Variants in FAM184A observed in about 807,000 individuals in gnomAD.
The protein encoded by FAM184A is family with sequence similarity 184 member A.
A neutral mutation model predicts 143.8 loss-of-function variants in FAM184A; 99 were observed. That is an observed-to-expected ratio of 0.69 (90% confidence interval 0.58 to 0.81). FAM184A has a LOEUF of 0.81. FAM184A is among the 40% of genes least tolerant of loss of function. The probability of loss-of-function intolerance (pLI) is 0.00; values close to 1 mark genes in which losing one functional copy is unlikely to be tolerated. For synonymous variants in FAM184A, 427 were observed against 446.4 expected, an observed-to-expected ratio of 0.96 and a Z score of 0.55; for missense variants, 1,217 against 1,310.5, an observed-to-expected ratio of 0.93 and a Z score of 1.10.
chr6:119,032,707 C>T (rs1461640294), intron 1 of FAM184A, among the ~76,000 whole-genome samples: 3 of 152,062 alleles, frequency 2.0e-5, no homozygotes, highest in Non-Finnish European at 4.4e-5. Context: ...GGAAAAGACT[C>T]TCCCTCAGAA....
chr6:119,040,309 G>A (rs1259647450), intron 1 of FAM184A, among the ~76,000 whole-genome samples: 2 of 152,162 alleles, frequency 1.3e-5, no homozygotes, highest in African/African-American at 4.8e-5. Context: ...ATTTGTTGCC[G>A]TGACTTGGAT....
intron 1 of FAM184A, among the ~76,000 whole-genome samples, chr6:119,065,171 A>C (rs1787397172): frequency 6.6e-6 from 1 of 152,198 alleles, no homozygotes; most frequent in Admixed American, 6.5e-5. Flanking sequence ...AAAGATGATG[A>C]CATGTCACCA....
Position 119,058,737 on chromosome 6 carries a change from C to A in FAM184A, c.159+19404G>T, listed in dbSNP as rs542562833. 3.3e-5 allele frequency among the ~76,000 whole-genome samples: 5 copies of A among 152,170 alleles called. No individual in the cohort carries two copies. In the South Asian group the frequency reaches 8.3e-4, roughly 25 times the overall value. ...CTCTGGTCTAGCATCCCAGCTGAGCCCAGCTTTCGAGTTATCCTGGTCTAG... is the reference window on the plus strand; with the variant it reads ...CTCTGGTCTAGCATCCCAGCTGAGCACAGCTTTCGAGTTATCCTGGTCTAG... On this transcript the variant is annotated intron_variant, in intron 1 of 17. Coordinates refer to ENST00000338891, the MANE Select transcript of FAM184A (RefSeq NM_024581.6).
rs773241672 is a variant in FAM184A at position 119,024,239 on chromosome 6, A to G, written c.734T>C (p.Ile245Thr). The change falls in exon 2 of 18, where the codon ATT becomes ACT. Residue 245 changes from isoleucine (I) to threonine (T), a missense_variant. Transcript: ENST00000338891. Reference protein sequence around the residue: ...EELRLERKKLIEDYEGKLNKA... With the variant: ...EELRLERKKLTEDYEGKLNKA... ...ATTCAACTTGCCTTCATAATCCTCAATTAGTTTCTTCCGTTCAAGTCTTAG... is the reference window on the plus strand; with the variant it reads ...ATTCAACTTGCCTTCATAATCCTCAGTTAGTTTCTTCCGTTCAAGTCTTAG... The G allele has an allele frequency of 1.2e-6, 2 of 1,614,096 alleles. No individual in the cohort carries two copies. Among genetic ancestry groups the G allele is most frequent in the Non-Finnish European group, 1.7e-6 (2 of 1,180,012 alleles).
intron 1 of FAM184A, among the ~76,000 whole-genome samples, chr6:119,091,516 A>G (rs1404165257): frequency 6.6e-6 from 1 of 152,212 alleles, no homozygotes; most frequent in Non-Finnish European, 1.5e-5. Flanking sequence ...AGTGGATCCC[A>G]TAGTCTTGTG....
rs41292558 is a variant in FAM184A at position 118,975,978 on chromosome 6, T to A, written c.2522A>T (p.His841Leu). ...AAIDLLRHNH[H>L]QELAAAKMEL... ...CATTTTAGCAGCTGCCAATTCTTGA[T>A]GATGATTATGCCGTAACAAATCAAT... Residue 841 changes from histidine (H) to leucine (L), a missense_variant, in exon 12 of 18, where the codon CAT becomes CTT. Coordinates refer to ENST00000338891, the MANE Select transcript of FAM184A (RefSeq NM_024581.6). The A allele has an allele frequency of 7.8e-3, 12,559 of 1,613,652 alleles. 111 individuals are homozygous for A. The highest frequency in any genetic ancestry group is 0.039 in the Admixed American group (2,320 of 59,954).
chr6:119,090,023 C>T (rs951950200), intron 1 of FAM184A, among the ~76,000 whole-genome samples: 2 of 152,158 alleles, frequency 1.3e-5, no homozygotes, highest in African/African-American at 4.8e-5. Context: ...TTAGCTTTTT[C>T]TCTAACAACA....
intron 9 of FAM184A, among the ~76,000 whole-genome samples, chr6:118,990,719 A>C (rs1784352223): frequency 6.9e-6 from 1 of 145,120 alleles, no homozygotes; most frequent in Non-Finnish European, 1.5e-5. Flanking sequence ...TACAAAAAAT[A>C]CAAAAAAAAA....
intron 1 of FAM184A, among the ~76,000 whole-genome samples, chr6:119,088,194 A>C: frequency 6.6e-6 from 1 of 152,214 alleles, no homozygotes; most frequent in Non-Finnish European, 1.5e-5. Context: ...GTGTGCATCT[A>C]CTTAATGCAC....
intron 1 of FAM184A, among the ~76,000 whole-genome samples, chr6:119,071,078 AT>A (rs1057370660): frequency 3.3e-5 from 5 of 152,220 alleles, no homozygotes; most frequent in Non-Finnish European, 7.3e-5. Context: ...ATTTTCAAAA[AT>A]ATCACAATTT....
chr6:119,034,035 T>TAG (rs1454004344), intron 1 of FAM184A, among the ~76,000 whole-genome samples: 4 of 34,258 alleles, frequency 1.2e-4, no homozygotes, highest in Admixed American at 5.3e-4. Flanking sequence ...TATATATATA[T>TAG]ATATATAGAG....
intron 14 of FAM184A, among the ~76,000 whole-genome samples, chr6:118,971,367 A>T (rs1350652548): frequency 1.3e-5 from 2 of 152,234 alleles, no homozygotes; most frequent in African/African-American, 4.8e-5. Context: ...TCTATTTAAA[A>T]TCTAAGTATA....
intron 1 of FAM184A, among the ~76,000 whole-genome samples, chr6:119,036,627 G>T (rs956178874): frequency 1.3e-5 from 2 of 151,984 alleles, no homozygotes; most frequent in Non-Finnish European, 2.9e-5. Flanking sequence ...CAGGATCTGT[G>T]CAATGGGATC....
At chr6:119,102,914 A>G (rs1025685503) in intron 1 of FAM184A, among the ~76,000 whole-genome samples, 4 of 152,090 alleles carry the variant, frequency 2.6e-5, no homozygotes, top group African/African-American at 9.7e-5. Flanking sequence ...AGCATATAGT[A>G]GGCCTTGGTT....
chr6:119,068,729 G>C lies in FAM184A; in HGVS notation c.159+9412C>G, dbSNP rs549426365. On this transcript the variant is annotated intron_variant, in intron 1 of 17. Transcript: ENST00000338891. ...AACCTAACACAAACACATTAACTCC[G>C]GGGTTTCCAAGACTGAAATTTCCTT... 5.3e-5 allele frequency among the ~76,000 whole-genome samples: 8 copies of C among 152,108 alleles called. No homozygotes were observed. The East Asian group carries it at 1.2e-3, about 22-fold the overall frequency.
At chr6:118,992,778 A>G (rs1459420236) in intron 9 of FAM184A, among the ~76,000 whole-genome samples, 3 of 152,104 alleles carry the variant, frequency 2.0e-5, no homozygotes, top group Non-Finnish European at 4.4e-5. Flanking sequence ...AAACAAAAAC[A>G]AAATTAGCTG....
intron 9 of FAM184A, among the ~76,000 whole-genome samples, chr6:118,996,404 G>C (rs927494898): frequency 6.6e-6 from 1 of 152,218 alleles, no homozygotes; most frequent in African/African-American, 2.4e-5. Context: ...GGTTTTGGTA[G>C]ACTTTAATTC....
At chr6:119,138,848 A>C (rs1041392577) in intron 1 of FAM184A, among the ~76,000 whole-genome samples, 1 of 152,006 alleles carries the variant, frequency 6.6e-6, no homozygotes, top group Non-Finnish European at 1.5e-5. Context: ...GCTGGTCTTG[A>C]ACTCCTGCCC....
chr6:119,044,210 T>C (rs571598586), intron 1 of FAM184A, among the ~76,000 whole-genome samples: 2 of 152,302 alleles, frequency 1.3e-5, no homozygotes, highest in South Asian at 4.1e-4. Flanking sequence ...GGCATCCAAA[T>C]TGGGGAAGTA....
Sources: allele counts gnomAD v4.1 joint callset (sites outside exome capture counted in the v4.1 genomes callset), GRCh38; gene constraint gnomAD v4.1.1; transcripts MANE v1.5; gene names NCBI Gene and HGNC (gene_info 2026-07-23, HGNC 2026-07-21).